The following ST3GAL1 variants were observed in gnomAD, a reference collection of about 807,000 sequenced individuals.
ST3GAL1 encodes the protein ST3 beta-galactoside alpha-2,3-sialyltransferase 1, also known as CMP-N-acetylneuraminate-beta-galactosamide-alpha-2,3-sialyltransferase 1.
In ST3GAL1, 16 loss-of-function variants were observed where a neutral mutation model predicts 34.1. The ratio of observed to expected loss-of-function variants is 0.47; its 90% CI spans 0.32 to 0.71. The LOEUF is 0.71. Ranked by LOEUF, ST3GAL1 falls within the 30% of genes least tolerant of loss-of-function variation. ST3GAL1 has a pLI of 0.04. For missense variants in ST3GAL1, 353 were observed against 447.4 expected, an observed-to-expected ratio of 0.79 and a Z score of 1.90; for synonymous variants, 191 against 184.7, an observed-to-expected ratio of 1.03 and a Z score of -0.28.
intron 1 of ST3GAL1, among the ~76,000 whole-genome samples, chr8:133,555,310 C>T (rs1818978776): frequency 6.6e-6 from 1 of 152,158 alleles, no homozygotes; most frequent in South Asian, 2.1e-4. Flanking sequence ...GCTCCCCCTG[C>T]CGTTGTCATC....
intron 1 of ST3GAL1, among the ~76,000 whole-genome samples, chr8:133,555,713 G>A (rs1265466552): frequency 6.6e-6 from 1 of 152,160 alleles, no homozygotes; most frequent in Non-Finnish European, 1.5e-5. Context: ...TCCAATCACA[G>A]GAGTCGGCGG....
intron 1 of ST3GAL1, among the ~76,000 whole-genome samples, chr8:133,554,327 C>T (rs1319539347): frequency 6.6e-6 from 1 of 152,150 alleles, no homozygotes; most frequent in Non-Finnish European, 1.5e-5. Context: ...TCCCTTGCAG[C>T]GAATGACATG....
chr8:133,558,889 G>A (rs552677448), intron 1 of ST3GAL1, among the ~76,000 whole-genome samples: 17 of 152,202 alleles, frequency 1.1e-4, no homozygotes, highest in Middle Eastern at 3.4e-3. Context: ...ATTCCCGGCC[G>A]GGACCACTGT....
intron 3 of ST3GAL1, among the ~76,000 whole-genome samples, chr8:133,478,298 T>A (rs1355424331): frequency 6.6e-6 from 1 of 152,244 alleles, no homozygotes; most frequent in Non-Finnish European, 1.5e-5. Flanking sequence ...GATCCAGGGA[T>A]GGGCATGTGC....
At chr8:133,563,216 A>C (rs1819298407) in intron 1 of ST3GAL1, among the ~76,000 whole-genome samples, 1 of 152,130 alleles carries the variant, frequency 6.6e-6, no homozygotes, top group Non-Finnish European at 1.5e-5. Flanking sequence ...ATTCAGAGAA[A>C]GTACTTTATT....
chr8:133,533,396 G>A (rs957062799), intron 2 of ST3GAL1, among the ~76,000 whole-genome samples: 1 of 152,168 alleles, frequency 6.6e-6, no homozygotes, highest in Non-Finnish European at 1.5e-5. Flanking sequence ...CTCTCGAGCA[G>A]CCTACACACA....
intron 1 of ST3GAL1, among the ~76,000 whole-genome samples, chr8:133,548,831 T>C (rs1235712268): frequency 6.6e-6 from 1 of 152,196 alleles, no homozygotes; most frequent in Non-Finnish European, 1.5e-5. Flanking sequence ...TACTTGTCAC[T>C]AGATTTCCCC....
At chr8:133,482,280 C>T (rs973883589) in intron 3 of ST3GAL1, among the ~76,000 whole-genome samples, 2 of 152,262 alleles carry the variant, frequency 1.3e-5, no homozygotes, top group East Asian at 3.9e-4. Context: ...AGATCTGGTA[C>T]AAGCTTCTGC....
intron 5 of ST3GAL1, among the ~76,000 whole-genome samples, chr8:133,468,891 C>T (rs904403177): frequency 6.6e-6 from 1 of 152,168 alleles, no homozygotes; most frequent in Non-Finnish European, 1.5e-5. Flanking sequence ...AGCCAGACTC[C>T]CCTGAACCTC....
intron 3 of ST3GAL1, among the ~76,000 whole-genome samples, chr8:133,483,264 C>A (rs969436051): frequency 8.5e-5 from 13 of 152,172 alleles, no homozygotes; most frequent in Non-Finnish European, 1.5e-4. Flanking sequence ...ATCGCTTGAA[C>A]CTGGGAGGTG....
intron 3 of ST3GAL1, among the ~76,000 whole-genome samples, chr8:133,483,478 C>T (rs1369135706): frequency 6.6e-6 from 1 of 152,188 alleles, no homozygotes; most frequent in Admixed American, 6.5e-5. Flanking sequence ...CACTAAGCTT[C>T]AAGGTCCTCA....
chr8:133,561,853 G>T (rs1430485144), intron 1 of ST3GAL1, among the ~76,000 whole-genome samples: 1 of 152,066 alleles, frequency 6.6e-6, no homozygotes, highest in Non-Finnish European at 1.5e-5. Flanking sequence ...GAGTGGGAAG[G>T]GTGATTGATG....
intron 2 of ST3GAL1, among the ~76,000 whole-genome samples, chr8:133,502,473 A>G (rs920284631): frequency 1.3e-5 from 2 of 151,726 alleles, no homozygotes; most frequent in South Asian, 2.1e-4. Context: ...CCATATGCAC[A>G]TAAGAAAGCC....
In ST3GAL1 at chr8:133,487,929, C is replaced by T. The variant is rs746221954; in HGVS notation, c.-374+11206G>A. Among the ~76,000 whole-genome samples, 13 of 149,234 alleles carry T rather than the reference C, an allele frequency of 8.7e-5. No individual in the cohort carries two copies. In the South Asian group the frequency reaches 1.7e-3, roughly 20 times the overall value. On this transcript the variant is annotated intron_variant, in intron 3 of 9. Coordinates refer to ENST00000522652, the MANE Select transcript of ST3GAL1 (RefSeq NM_173344.3). ...GTTGCAGTGAGCCGAGATTGCACCACTGCATTCTAGCCTGGGCAACAGAGC... is the reference window on the plus strand; with the variant it reads ...GTTGCAGTGAGCCGAGATTGCACCATTGCATTCTAGCCTGGGCAACAGAGC...
intron 5 of ST3GAL1, among the ~76,000 whole-genome samples, chr8:133,472,895 C>G (rs557039567): frequency 6.6e-6 from 1 of 151,372 alleles, no homozygotes; most frequent in East Asian, 1.9e-4. Flanking sequence ...TATTACTTGC[C>G]CATTAAACCA....
intron 3 of ST3GAL1, among the ~76,000 whole-genome samples, 188 bp downstream of exon 3, chr8:133,498,947 C>G (rs1331455683): frequency 1.3e-5 from 2 of 152,246 alleles, no homozygotes; most frequent in East Asian, 3.8e-4. Flanking sequence ...TTCTCAAATG[C>G]CACCACCCTT....
At position 133,456,485 on chromosome 8, in the gene ST3GAL1, C is replaced by T. The variant is rs1815306218; in HGVS notation, c.*3279G>A. On this transcript the variant is annotated 3_prime_UTR_variant, in exon 10 of 10. Coordinates refer to ENST00000522652, the MANE Select transcript of ST3GAL1 (RefSeq NM_173344.3). ...TGGGAATCAGGGGCCTGAGGGAGCC[C>T]CTGCCACTGCCTGCCCAGAACCAGT... 6.6e-6 allele frequency: 1 copy of T among 152,284 alleles called. No homozygotes were observed. Among genetic ancestry groups the T allele is most frequent in the Non-Finnish European group, 1.5e-5 (1 of 68,072 alleles). The allele number at this position is 152,284 out of a possible 1,614,324, so 9.4% of individuals were successfully genotyped here.
intron 6 of ST3GAL1, chr8:133,465,681 C>G: frequency 6.1e-6 from 3 of 490,018 alleles, no homozygotes; most frequent in South Asian, 4.2e-5. Context: ...CCTCTCTGCA[C>G]GCAGAGGCCC....
At chr8:133,555,583 G>A (rs115834152) in intron 1 of ST3GAL1, among the ~76,000 whole-genome samples, 1,854 of 152,252 alleles carry the variant, frequency 0.012, 39 homozygotes, top group African/African-American at 0.043. Flanking sequence ...GGAGTCTGAT[G>A]AAATCCCATT....
Sources: allele counts gnomAD v4.1 joint callset (sites outside exome capture counted in the v4.1 genomes callset), GRCh38; gene constraint gnomAD v4.1.1; transcripts MANE v1.5; gene names NCBI Gene and HGNC (gene_info 2026-07-23, HGNC 2026-07-21).